KLF8: variants seen among roughly 807,000 people sequenced by gnomAD.
The protein encoded by KLF8 is KLF transcription factor 8.
In KLF8, 10 loss-of-function variants were observed where a neutral mutation model predicts 18.2. That is an observed-to-expected ratio of 0.55 (90% confidence interval 0.34 to 0.93). The LOEUF (loss-of-function observed/expected upper bound fraction) is 0.93, where lower values mean the gene tolerates loss of function less well. KLF8 is among the 40% of genes least tolerant of loss of function. The pLI, the probability that KLF8 is intolerant of heterozygous loss-of-function variation, is 0.02. For missense variants in KLF8, 264 were observed against 277.9 expected (o/e 0.95, Z 0.36); for synonymous variants, 109 against 97.3 (o/e 1.12, Z -0.71).
chrX:56,174,229 G>A, the KLF8 span, among the ~76,000 whole-genome samples: 1 of 111,491 alleles, frequency 9.0e-6, no homozygotes, highest in East Asian at 2.8e-4. Flanking sequence ...ATTGGCTGTG[G>A]GTTTGTCATA....
chrX:55,956,129 TTATCTATCTATCTATC>T, the KLF8 span, among the ~76,000 whole-genome samples: 444 of 95,494 alleles, frequency 4.6e-3, 2 homozygotes, highest in African/African-American at 0.018. Flanking sequence ...ATCTATCTAT[TTATCTATCTATCTATC>T]TATCTATCTA....
chrX:55,952,728 G>T, the KLF8 span, among the ~76,000 whole-genome samples: 1 of 111,808 alleles, frequency 8.9e-6, no homozygotes, highest in Admixed American at 9.5e-5. Context: ...TTTGGGGGAG[G>T]TCCTCATTCA....
chrX:56,159,127 T>G, the KLF8 span, among the ~76,000 whole-genome samples: 2 of 112,394 alleles, frequency 1.8e-5, no homozygotes, highest in African/African-American at 6.4e-5. Context: ...AGGACTTTTC[T>G]GCATCTATTG....
the KLF8 span, among the ~76,000 whole-genome samples, chrX:56,184,951 C>A: frequency 8.9e-6 from 1 of 112,309 alleles, no homozygotes; most frequent in Non-Finnish European, 1.9e-5. Context: ...ACTGGAAACT[C>A]TAAAAAGCAG....
intron 2 of KLF8, among the ~76,000 whole-genome samples, chrX:56,256,932 A>G (rs1328822113): frequency 8.9e-6 from 1 of 111,738 alleles, no homozygotes; most frequent in East Asian, 2.8e-4. Flanking sequence ...CGAACTCCCA[A>G]CCTCAGGTGA....
In KLF8 at chrX:56,287,005, T is replaced by G. The variant is rs775493124; in HGVS notation, c.*2511T>G. The G allele has an allele frequency of 8.9e-6, 1 of 111,829 alleles. No individual in the cohort carries two copies. The highest frequency in any genetic ancestry group is 9.5e-5 in the Admixed American group (1 of 10,515). 9.2% of individuals were successfully genotyped at this position (111,829 alleles called of 1,213,427 possible). A position where few individuals can be genotyped will look rare whatever the true frequency, so the allele number is the denominator to read the frequency against. ...AAATTTGGATCCTGATACTCCTTTT[T>G]CAGAGTTCAGAACTGAACTGCTCCC... On this transcript the variant is annotated 3_prime_UTR_variant, in exon 6 of 6. Transcript: ENST00000468660.
At chrX:56,053,075 C>T in the KLF8 span, among the ~76,000 whole-genome samples, 12,793 of 111,622 alleles carry the variant, frequency 0.11, 1,282 homozygotes, top group African/African-American at 0.32. Flanking sequence ...AAAGGGAACT[C>T]CCTGACCTCT....
chrX:56,143,104 C>G, the KLF8 span, among the ~76,000 whole-genome samples: 2 of 111,565 alleles, frequency 1.8e-5, no homozygotes, highest in Non-Finnish European at 3.8e-5. Context: ...CTTCTGCTAC[C>G]TCTCTGACCT....
the KLF8 span, among the ~76,000 whole-genome samples, chrX:56,129,364 TG>T: frequency 9.0e-6 from 1 of 110,926 alleles, no homozygotes; most frequent in African/African-American, 3.3e-5. Flanking sequence ...ACTGGGAAAG[TG>T]GGAAAGGGGG....
At chrX:56,139,769 A>C in the KLF8 span, among the ~76,000 whole-genome samples, 4 of 111,976 alleles carry the variant, frequency 3.6e-5, no homozygotes, top group Non-Finnish European at 7.5e-5. Flanking sequence ...AAGCAAAAAC[A>C]GGCAAATGGG....
At chrX:56,069,828 C>A in the KLF8 span, among the ~76,000 whole-genome samples, 2 of 112,384 alleles carry the variant, frequency 1.8e-5, no homozygotes, top group African/African-American at 6.5e-5. Context: ...GCCCAGCAGT[C>A]CTGCTTCAGT....
the KLF8 span, among the ~76,000 whole-genome samples, chrX:56,171,551 T>C: frequency 9.1e-6 from 1 of 110,303 alleles, no homozygotes. Flanking sequence ...GGCCCCGGTG[T>C]GTGATGTTCC....
At chrX:56,181,333 C>G in the KLF8 span, among the ~76,000 whole-genome samples, 1 of 111,040 alleles carries the variant, frequency 9.0e-6, no homozygotes, top group African/African-American at 3.3e-5. Flanking sequence ...TTCCTCCATC[C>G]CTTTATTTTG....
At chrX:56,094,164 T>C in the KLF8 span, among the ~76,000 whole-genome samples, 1 of 109,817 alleles carries the variant, frequency 9.1e-6, no homozygotes, top group Non-Finnish European at 1.9e-5. Context: ...TTAAAAGACA[T>C]AGAGTCTCAG....
chrX:56,193,193 C>A, the KLF8 span, among the ~76,000 whole-genome samples: 42 of 112,543 alleles, frequency 3.7e-4, no homozygotes, highest in African/African-American at 1.3e-3. Context: ...AGAATACATA[C>A]AAGTGGCAAA....
chrX:56,214,774 G>A, the KLF8 span, among the ~76,000 whole-genome samples: 3 of 112,022 alleles, frequency 2.7e-5, no homozygotes, highest in South Asian at 3.7e-4. Flanking sequence ...ACTTTACAAG[G>A]GAAAAGACCA....
chrX:56,045,838 A>G, the KLF8 span, among the ~76,000 whole-genome samples: 1 of 111,023 alleles, frequency 9.0e-6, no homozygotes, highest in Non-Finnish European at 1.9e-5. Flanking sequence ...GTACATGACC[A>G]TATCATCAGC....
chrX:56,212,523 G>T, the KLF8 span, among the ~76,000 whole-genome samples: 1 of 111,773 alleles, frequency 8.9e-6, no homozygotes, highest in African/African-American at 3.3e-5. Flanking sequence ...CTCTGGCTAG[G>T]GCTGGTTTAA....
chrX:56,205,339 T>C, the KLF8 span, among the ~76,000 whole-genome samples: 1 of 112,142 alleles, frequency 8.9e-6, no homozygotes, highest in African/African-American at 3.2e-5. Context: ...TGCATTTCAT[T>C]ATGGGAAGAT....
Sources: allele counts gnomAD v4.1 joint callset (sites outside exome capture counted in the v4.1 genomes callset), GRCh38; gene constraint gnomAD v4.1.1; transcripts MANE v1.5; gene names NCBI Gene and HGNC (gene_info 2026-07-23, HGNC 2026-07-21).